AIMP1: variants seen among roughly 807,000 people sequenced by gnomAD.
AIMP1 encodes aminoacyl tRNA synthase complex-interacting multifunctional protein 1.
In AIMP1, 24 loss-of-function variants were observed where a neutral mutation model predicts 33.1. The ratio of observed to expected loss-of-function variants is 0.73; its 90% CI spans 0.53 to 1.02. The LOEUF (loss-of-function observed/expected upper bound fraction) is 1.02, where lower values mean the gene tolerates loss of function less well. Ranked by LOEUF, AIMP1 falls within the 50% of genes least tolerant of loss-of-function variation. The probability of loss-of-function intolerance (pLI) is 0.00; values close to 1 mark genes in which losing one functional copy is unlikely to be tolerated. For missense variants in AIMP1, 367 were observed against 364.8 expected (o/e 1.01, Z -0.05); for synonymous variants, 120 against 121.5 (o/e 0.99, Z 0.08).
chr4:106,340,223 T>A (rs1435217386), intron 6 of AIMP1, among the ~76,000 whole-genome samples: 6 of 151,994 alleles, frequency 3.9e-5, no homozygotes, highest in African/African-American at 1.4e-4. Flanking sequence ...AGGATTTGTG[T>A]GTGTGTGTGA....
At chr4:106,316,364 G>A (rs909621189), upstream of AIMP1, 1 of 614,974 alleles carries the variant, frequency 1.6e-6, no homozygotes, top group East Asian at 2.9e-5. Context: ...GACGGGGGGG[G>A]TCGATTGAAA....
chr4:106,343,394 G>A (rs771174580), intron 6 of AIMP1, among the ~76,000 whole-genome samples: 9 of 152,104 alleles, frequency 5.9e-5, no homozygotes, highest in Non-Finnish European at 1.0e-4. Flanking sequence ...AATATGAAGA[G>A]TTTTAACATG....
chr4:106,341,981 A>G (rs955403432), intron 6 of AIMP1, among the ~76,000 whole-genome samples: 69 of 151,100 alleles, frequency 4.6e-4, no homozygotes, highest in African/African-American at 1.4e-3. Flanking sequence ...GCAGTATTTT[A>G]TAGTTCTCCT....
intron 6 of AIMP1, among the ~76,000 whole-genome samples, chr4:106,347,052 C>T (rs1333861971): frequency 1.3e-5 from 2 of 152,032 alleles, no homozygotes; most frequent in Non-Finnish European, 2.9e-5. Context: ...GGAGGTGCCA[C>T]ACACTTTTAA....
chr4:106,345,383 T>A (rs746356588), intron 6 of AIMP1, among the ~76,000 whole-genome samples: 3 of 152,196 alleles, frequency 2.0e-5, no homozygotes, highest in Non-Finnish European at 4.4e-5. Context: ...TCCAGAATCC[T>A]GGAGTGCCTG....
At chr4:106,329,471 T>TA (rs1769584224) in intron 4 of AIMP1, among the ~76,000 whole-genome samples, 1 of 152,220 alleles carries the variant, frequency 6.6e-6, no homozygotes, top group South Asian at 2.1e-4. Context: ...AGAACACTTC[T>TA]ATCCAATGGA....
chr4:106,318,958 T>C (rs1162714563), intron 1 of AIMP1, among the ~76,000 whole-genome samples: 1 of 152,086 alleles, frequency 6.6e-6, no homozygotes, highest in East Asian at 1.9e-4. Flanking sequence ...TTTTTCATAA[T>C]GTACATAAAA....
At chr4:106,335,951 G>A (rs991214040) in intron 5 of AIMP1, among the ~76,000 whole-genome samples, 9 of 145,860 alleles carry the variant, frequency 6.2e-5, no homozygotes, top group South Asian at 2.2e-4. Context: ...AGAAATTTCC[G>A]TTTGCTTCCA....
chr4:106,326,330 G>T lies in AIMP1; in HGVS notation c.110-1121G>T, dbSNP rs375755797. Among the ~76,000 whole-genome samples the T allele has an allele frequency of 2.6e-5, 4 of 152,172 alleles. No homozygotes were observed. In the East Asian group the frequency reaches 5.8e-4, roughly 22 times the overall value. ...TTATGATAGGCCACTATAAAGTTCT[G>T]CAGGATGTGAAACAGTTCTTCATTT... On this transcript the variant is annotated intron_variant, in intron 2 of 6. Coordinates refer to ENST00000672341, the MANE Select transcript of AIMP1 (RefSeq NM_001142416.2).
At position 106,327,398 on chromosome 4, in the gene AIMP1, T is replaced by C. The variant is rs560523214; in HGVS notation, c.110-53T>C. The C allele has an allele frequency of 1.2e-4, 158 of 1,304,286 alleles. 2 individuals carry two copies. The South Asian group carries it at 1.7e-3, about 14-fold the overall frequency. The allele number at this position is 1,304,286 out of a possible 1,614,324, so 80.8% of individuals were successfully genotyped here. A position where few individuals can be genotyped will look rare whatever the true frequency, so the allele number is the denominator to read the frequency against. On this transcript the variant is annotated intron_variant, in intron 2 of 6. Coordinates refer to ENST00000672341, the MANE Select transcript of AIMP1 (RefSeq NM_001142416.2). ...TGGCTGTCTTCTTTTCAAATAGTAT[T>C]CATACAAAACCTCTTTTAAAAACAT...
chr4:106,321,906 G>A (rs982594074), intron 1 of AIMP1, among the ~76,000 whole-genome samples: 29 of 152,000 alleles, frequency 1.9e-4, no homozygotes, highest in Non-Finnish European at 4.4e-5. Flanking sequence ...CCCCAACCCC[G>A]TGCTCTCTGA....
rs766403290 is a variant in AIMP1 at position 106,347,590 on chromosome 4, C to A, written c.837C>A (p.His279Gln). ...KIWEQIQPDL[H>Q]TNDECVATYK... ...GGGAGCAGATCCAGCCTGATCTTCA[C>A]ACTAATGATGAGTGTGTGGCTACAT... The change falls in exon 7 of 7, where the codon CAC (histidine) becomes CAA (glutamine). Residue 279 changes from histidine (H) to glutamine (Q), a missense_variant. Physicochemically the swap from His to Gln is conservative, Grantham distance 24 (BLOSUM62 0). Coordinates refer to ENST00000672341, the MANE Select transcript of AIMP1 (RefSeq NM_001142416.2). 6.2e-7 allele frequency: 1 copy of A among 1,613,390 alleles called. No homozygotes were observed. Among genetic ancestry groups the A allele is most frequent in the Non-Finnish European group, 8.5e-7 (1 of 1,179,636 alleles).
intron 1 of AIMP1, among the ~76,000 whole-genome samples, chr4:106,320,796 A>G (rs1407921337): frequency 6.6e-6 from 1 of 152,054 alleles, no homozygotes; most frequent in Non-Finnish European, 1.5e-5. Flanking sequence ...TCTGATGCCG[A>G]GCCGAGGCTG....
intron 2 of AIMP1, 90 bp downstream of exon 2, chr4:106,325,208 T>A (rs1261064076): frequency 1.6e-6 from 2 of 1,236,932 alleles, no homozygotes; most frequent in Non-Finnish European, 2.3e-6. Flanking sequence ...TTAAGTTATT[T>A]AAGTTTTACT....
At chr4:106,323,605 TAAA>T (rs55681102) in intron 1 of AIMP1, among the ~76,000 whole-genome samples, 3 of 135,334 alleles carry the variant, frequency 2.2e-5, no homozygotes, top group Non-Finnish European at 1.6e-5. Context: ...AAAGTTAAAG[TAAA>T]AAAAAAAAAA....
chr4:106,316,224 CT>C (rs1768845213), upstream of AIMP1: 1 of 264,976 alleles, frequency 3.8e-6, no homozygotes, highest in African/African-American at 2.2e-5. Context: ...TCCCCTCAGC[CT>C]GGCCTTTTCT....
Position 106,327,417 on chromosome 4 carries a change from A to G in AIMP1, c.110-34A>G, listed in dbSNP as rs778042307. 3 of 1,509,092 alleles carry G rather than the reference A, an allele frequency of 2.0e-6. No homozygotes were observed. The South Asian group carries it at 3.4e-5, about 17-fold the overall frequency. The allele number at this position is 1,509,092 out of a possible 1,614,324, so 93.5% of individuals were successfully genotyped here. On this transcript the variant is annotated intron_variant, in intron 2 of 6. Coordinates refer to ENST00000672341, the MANE Select transcript of AIMP1 (RefSeq NM_001142416.2). ...TAGTATTCATACAAAACCTCTTTTA[A>G]AAACATATTTTAACTGGATGTTCTT... is the stretch of plus-strand genomic sequence containing the variant.
Position 106,347,798 on chromosome 4 carries a change from C to A in AIMP1, c.*106C>A. ...ATGAGTGGCTCATTTTTGCATTACT[C>A]TCTTCTAGACTTGACTAGTCATTTA... On this transcript the variant is annotated 3_prime_UTR_variant, in exon 7 of 7. Transcript: ENST00000672341. 8.4e-7 allele frequency: 1 copy of A among 1,191,998 alleles called. No individual in the cohort carries two copies. The highest frequency in any genetic ancestry group is 1.2e-6 in the Non-Finnish European group (1 of 839,288). 73.8% of individuals were successfully genotyped at this position (1,191,998 alleles called of 1,614,324 possible). A position where few individuals can be genotyped will look rare whatever the true frequency, so the allele number is the denominator to read the frequency against.
intron 2 of AIMP1, among the ~76,000 whole-genome samples, chr4:106,325,530 A>G (rs1769423009): frequency 6.6e-6 from 1 of 151,848 alleles, no homozygotes; most frequent in Non-Finnish European, 1.5e-5. Flanking sequence ...AAAAATTCTT[A>G]CTCTCTTTTT....
Sources: gnomAD v4.1 joint callset for allele counts (sites outside exome capture counted in the v4.1 genomes callset) on GRCh38, gnomAD v4.1.1 for gene constraint, MANE v1.5 for transcripts, NCBI Gene and HGNC (gene_info 2026-07-23, HGNC 2026-07-21) for gene names.